AVEN: variants seen among roughly 807,000 people sequenced by gnomAD.
AVEN encodes cell death regulator Aven.
AVEN carries 41 observed loss-of-function variants against 38.1 expected under a neutral mutation model. The ratio of observed to expected loss-of-function variants is 1.08; its 90% CI spans 0.84 to 1.40. The LOEUF (loss-of-function observed/expected upper bound fraction) is 1.40. AVEN is among the 40% of genes most tolerant of loss of function. The pLI, the probability that AVEN is intolerant of heterozygous loss-of-function variation, is 0.00. For synonymous variants in AVEN, 206 were observed against 171.8 expected, an observed-to-expected ratio of 1.20 and a Z score of -1.56; for missense variants, 605 against 438.8, an observed-to-expected ratio of 1.38 and a Z score of -3.38.
chr15:33,916,365 A>AC (rs1422090650), intron 2 of AVEN, among the ~76,000 whole-genome samples: 1 of 151,840 alleles, frequency 6.6e-6, no homozygotes, highest in Non-Finnish European at 1.5e-5. Context: ...CTGTGCAGAC[A>AC]CCCCCCAGTA....
intron 1 of AVEN, among the ~76,000 whole-genome samples, chr15:34,029,446 C>T (rs1042183615): frequency 2.1e-5 from 3 of 144,148 alleles, no homozygotes; most frequent in Non-Finnish European, 4.5e-5. Flanking sequence ...TTTGGTAAGC[C>T]GAGGCAGGGG....
chr15:33,911,556 C>T (rs955213039), intron 2 of AVEN, among the ~76,000 whole-genome samples: 1 of 152,078 alleles, frequency 6.6e-6, no homozygotes, highest in Non-Finnish European at 1.5e-5. Context: ...AATAACTCTT[C>T]GTTAAAAGCA....
intron 1 of AVEN, among the ~76,000 whole-genome samples, chr15:34,036,163 G>A (rs748639220): frequency 4.6e-5 from 7 of 151,818 alleles, no homozygotes; most frequent in Non-Finnish European, 8.8e-5. Flanking sequence ...TGAGTATTCC[G>A]TGAAGATAAT....
At chr15:34,014,946 G>A (rs1291589444) in intron 1 of AVEN, among the ~76,000 whole-genome samples, 1 of 152,158 alleles carries the variant, frequency 6.6e-6, no homozygotes, top group Non-Finnish European at 1.5e-5. Context: ...TCAGATACAG[G>A]GGGTGAGGGG....
At chr15:33,877,126 G>C (rs1279769354) in intron 2 of AVEN, among the ~76,000 whole-genome samples, 1 of 152,122 alleles carries the variant, frequency 6.6e-6, no homozygotes, top group Non-Finnish European at 1.5e-5. Context: ...GTTTTATAAA[G>C]TTTCCTAACT....
At chr15:33,865,000 G>C, downstream of AVEN, 1 of 635,318 alleles carries the variant, frequency 1.6e-6, no homozygotes, top group East Asian at 2.7e-5. Flanking sequence ...GAGCAAGAAT[G>C]AATGTGCAGG....
chr15:34,035,720 C>A (rs1024717063), intron 1 of AVEN, among the ~76,000 whole-genome samples: 1 of 152,176 alleles, frequency 6.6e-6, no homozygotes, highest in African/African-American at 2.4e-5. Flanking sequence ...TCTCTGCTAA[C>A]AGCCCATCAC....
downstream of AVEN, among the ~76,000 whole-genome samples, chr15:33,862,308 G>C (rs1464726023): frequency 6.6e-6 from 1 of 151,946 alleles, no homozygotes; most frequent in Non-Finnish European, 1.5e-5. Context: ...CACCTCCCAG[G>C]CTCAAGACAT....
intron 4 of AVEN, among the ~76,000 whole-genome samples, chr15:33,868,185 G>A (rs1390828673): frequency 6.6e-6 from 1 of 152,082 alleles, no homozygotes; most frequent in African/African-American, 2.4e-5. Context: ...GGTCTATTTG[G>A]CTTTACACTT....
At chr15:33,897,334 A>G (rs934297754) in intron 2 of AVEN, among the ~76,000 whole-genome samples, 3 of 152,044 alleles carry the variant, frequency 2.0e-5, no homozygotes, top group African/African-American at 7.2e-5. Flanking sequence ...CTCACACTCT[A>G]TCGCCCAGGC....
At chr15:33,859,847 T>A in intron 11 of AVEN, 2 of 1,167,832 alleles carry the variant, frequency 1.7e-6, no homozygotes, top group East Asian at 2.6e-5. Flanking sequence ...TACTTGTTAA[T>A]TTAGCAAGAA....
At position 33,968,099 on chromosome 15, in the gene AVEN, T is replaced by TAAAAAAAAAAAAAAA. The variant is rs71119906; in HGVS notation, c.445+34918_445+34932dup. 7.7e-5 allele frequency among the ~76,000 whole-genome samples: 2 copies of TAAAAAAAAAAAAAAA among 25,838 alleles called. 1 individual carries two copies. Among genetic ancestry groups the TAAAAAAAAAAAAAAA allele is most frequent in the Non-Finnish European group, 1.6e-4 (2 of 12,782 alleles). The allele number at this position is 25,838 out of a possible 152,430, so 17.0% of individuals were successfully genotyped here. A position where few individuals can be genotyped will look rare whatever the true frequency, so the allele number is the denominator to read the frequency against. On this transcript the variant is annotated intron_variant, in intron 2 of 5. Coordinates refer to ENST00000306730, the MANE Select transcript of AVEN (RefSeq NM_020371.3). ...TCTGTGAATAATGCCTAGCAAAGCT[T>TAAAAAAAAAAAAAAA]AAAAAAAAAAAAAAAAAAAAAAAAA...
chr15:33,968,438 T>A (rs1895482487), intron 2 of AVEN, among the ~76,000 whole-genome samples: 1 of 152,126 alleles, frequency 6.6e-6, no homozygotes, highest in South Asian at 2.1e-4. Context: ...GTTTTTTATG[T>A]ATGGCAGCGT....
chr15:34,045,150 T>G (rs1899639121), intron 5 of AVEN, among the ~76,000 whole-genome samples: 1 of 152,230 alleles, frequency 6.6e-6, no homozygotes, highest in Non-Finnish European at 1.5e-5. Flanking sequence ...TATTCTTACA[T>G]TCTCTTTTTC....
intron 4 of AVEN, 94 bp from the exon 5 acceptor site, chr15:33,867,949 TTG>T: frequency 6.9e-7 from 1 of 1,456,502 alleles, no homozygotes; most frequent in Admixed American, 2.4e-5. Context: ...CCATCAAACT[TTG>T]TGACAGAGGA....
rs933102577 is a variant in AVEN, at chr15:33,872,916, C to T, written c.517-1886G>A. On this transcript the variant is annotated intron_variant, in intron 3 of 5. Coordinates refer to ENST00000306730, the MANE Select transcript of AVEN (RefSeq NM_020371.3). ...CATAGCTAGATCAGAGCACCCTGAC[C>T]GCCGACCTGTGTCCCTTCACCCTGC... Among the ~76,000 whole-genome samples, 5 of 151,804 alleles carry T rather than the reference C, an allele frequency of 3.3e-5. No homozygotes were observed. The South Asian group carries it at 1.0e-3, about 32-fold the overall frequency.
intron 1 of AVEN, among the ~76,000 whole-genome samples, chr15:34,023,470 C>A (rs1898302432): frequency 6.6e-6 from 1 of 152,180 alleles, no homozygotes; most frequent in Admixed American, 6.5e-5. Flanking sequence ...TCAGGCGCAG[C>A]CCACCTCTCA....
chr15:33,961,639 C>A (rs904423896), intron 2 of AVEN, among the ~76,000 whole-genome samples: 4 of 151,218 alleles, frequency 2.6e-5, no homozygotes, highest in Non-Finnish European at 5.9e-5. Flanking sequence ...CGGTGAAACC[C>A]CGTCTCTACT....
intron 1 of AVEN, among the ~76,000 whole-genome samples, chr15:34,074,054 G>A (rs1900688836): frequency 1.6e-5 from 2 of 122,710 alleles, no homozygotes; most frequent in Admixed American, 2.2e-4. Flanking sequence ...CTGGAGTGCA[G>A]TGTCACAATT....
Sources: allele counts gnomAD v4.1 joint callset (sites outside exome capture counted in the v4.1 genomes callset), GRCh38; gene constraint gnomAD v4.1.1; transcripts MANE v1.5; gene names NCBI Gene and HGNC (gene_info 2026-07-23, HGNC 2026-07-21).